MGAT5: variants seen among roughly 807,000 people sequenced by gnomAD.
MGAT5 encodes alpha-1,6-mannosylglycoprotein 6-beta-N-acetylglucosaminyltransferase A.
Under a neutral mutation model 94.3 loss-of-function variants are expected in MGAT5, and 30 were observed. The observed-to-expected ratio is 0.32, with a 90% CI of 0.24 to 0.43. MGAT5 has a LOEUF of 0.43. Among genes scored for constraint, MGAT5 ranks in the 20% least tolerant of loss-of-function variants. The probability of loss-of-function intolerance (pLI) is 1.00; values close to 1 mark genes in which losing one functional copy is unlikely to be tolerated. For missense variants in MGAT5, 691 were observed against 905.5 expected (o/e 0.76, Z 3.04); for synonymous variants, 310 against 322.9 (o/e 0.96, Z 0.43).
At chr2:134,255,506 CACATATATAT>C (rs1004562084) in intron 1 of MGAT5, among the ~76,000 whole-genome samples, 2 of 149,618 alleles carry the variant, frequency 1.3e-5, no homozygotes, top group Non-Finnish European at 3.0e-5. Flanking sequence ...CACATATATA[CACATATATAT>C]ATACACACAC....
At chr2:134,337,355 G>A (rs1382665002) in intron 5 of MGAT5, among the ~76,000 whole-genome samples, 1 of 152,130 alleles carries the variant, frequency 6.6e-6, no homozygotes, top group African/African-American at 2.4e-5. Flanking sequence ...AGTGCCTATA[G>A]TTTCAGCTAC....
At chr2:134,120,438 C>G (rs936534150) in intron 1 of MGAT5, 1 of 325,684 alleles carries the variant, frequency 3.1e-6, no homozygotes, top group Non-Finnish European at 5.6e-6. Context: ...CGGGGGCTTC[C>G]TTCCGTCGCT....
At chr2:134,277,506 T>C (rs773955284) in intron 2 of MGAT5, among the ~76,000 whole-genome samples, 1 of 152,116 alleles carries the variant, frequency 6.6e-6, no homozygotes, top group Non-Finnish European at 1.5e-5. Flanking sequence ...CTCACTACCA[T>C]GAGAACAGCA....
chr2:134,347,603 C>A (rs1688998456), intron 8 of MGAT5, among the ~76,000 whole-genome samples: 1 of 152,046 alleles, frequency 6.6e-6, no homozygotes, highest in Non-Finnish European at 1.5e-5. Context: ...AAAAAGATAA[C>A]AATACAATAA....
intron 1 of MGAT5, among the ~76,000 whole-genome samples, chr2:134,186,283 G>A (rs1314463570): frequency 6.6e-6 from 1 of 152,196 alleles, no homozygotes. Context: ...CCTAGTGATG[G>A]GGGAGATTTT....
chr2:134,405,296 G>A (rs1235249733), intron 11 of MGAT5, among the ~76,000 whole-genome samples: 2 of 152,226 alleles, frequency 1.3e-5, no homozygotes, highest in South Asian at 4.1e-4. Context: ...GAAAAACTGG[G>A]ACCCGTGTAG....
At chr2:134,274,629 A>G (rs1294443903) in intron 2 of MGAT5, among the ~76,000 whole-genome samples, 1 of 152,244 alleles carries the variant, frequency 6.6e-6, no homozygotes, top group South Asian at 2.1e-4. Context: ...TTGTCATTCA[A>G]GGTCAGCTGA....
At chr2:134,422,288 A>T (rs1684347471) in intron 12 of MGAT5, among the ~76,000 whole-genome samples, 1 of 152,222 alleles carries the variant, frequency 6.6e-6, no homozygotes, top group South Asian at 2.1e-4. Context: ...GTTTTTCTGA[A>T]TATTATGCTA....
intron 2 of MGAT5, among the ~76,000 whole-genome samples, chr2:134,272,342 A>G (rs149761980): frequency 6.6e-6 from 1 of 150,806 alleles, no homozygotes; most frequent in Non-Finnish European, 1.5e-5. Context: ...TTTTAATAAT[A>G]TTTAAAGAAC....
intron 15 of MGAT5, 60 bp downstream of exon 15, chr2:134,441,975 G>A: frequency 6.3e-7 from 1 of 1,575,834 alleles, no homozygotes; most frequent in South Asian, 1.2e-5. Flanking sequence ...GCCTTGTTGG[G>A]TAGTCAGGTG....
chr2:134,286,157 C>G (rs989875201), intron 2 of MGAT5, among the ~76,000 whole-genome samples: 1 of 152,264 alleles, frequency 6.6e-6, no homozygotes, highest in South Asian at 2.1e-4. Context: ...ATCAGAGAAC[C>G]CTTCTTACTG....
intron 9 of MGAT5, among the ~76,000 whole-genome samples, chr2:134,360,823 C>T (rs996252240): frequency 6.6e-6 from 1 of 152,228 alleles, no homozygotes; most frequent in Admixed American, 6.5e-5. Context: ...CCTCTGGGCA[C>T]TGGTTCAAAA....
chr2:134,137,773 T>C (rs1418748639), intron 1 of MGAT5, among the ~76,000 whole-genome samples: 2 of 152,180 alleles, frequency 1.3e-5, no homozygotes, highest in Non-Finnish European at 2.9e-5. Flanking sequence ...TTCTATGTTA[T>C]TGGTCAGTTT....
intron 10 of MGAT5, among the ~76,000 whole-genome samples, chr2:134,401,369 C>T (rs1190187403): frequency 6.6e-6 from 1 of 152,170 alleles, no homozygotes. Flanking sequence ...TCTGAGTTCC[C>T]AAGAGAGCAT....
At chr2:134,396,313 A>C (rs1234734791) in intron 10 of MGAT5, among the ~76,000 whole-genome samples, 1 of 152,214 alleles carries the variant, frequency 6.6e-6, no homozygotes, top group East Asian at 1.9e-4. Context: ...TACACTGCTG[A>C]AATTCACAGA....
intron 14 of MGAT5, among the ~76,000 whole-genome samples, chr2:134,434,797 A>G (rs1685079823): frequency 6.6e-6 from 1 of 151,920 alleles, no homozygotes; most frequent in African/African-American, 2.4e-5. Flanking sequence ...TGCGCATCCT[A>G]TTTGGGCATT....
chr2:134,337,582 T>C (rs953607939), intron 5 of MGAT5, among the ~76,000 whole-genome samples: 1 of 152,156 alleles, frequency 6.6e-6, no homozygotes, highest in South Asian at 2.1e-4. Context: ...TAAATACTGG[T>C]TATTATGTTT....
At chr2:134,151,797 T>G (rs1300419255) in intron 1 of MGAT5, among the ~76,000 whole-genome samples, 1 of 113,616 alleles carries the variant, frequency 8.8e-6, no homozygotes, top group African/African-American at 3.4e-5. Context: ...CACTCACTCA[T>G]GCCCTATGGG....
chr2:134,254,461 A>G lies in MGAT5; in HGVS notation c.58A>G (p.Thr20Ala). The change falls in exon 1 of 16, where the codon ACT becomes GCT. Residue 20 changes from threonine to alanine, a missense_variant. Physicochemically the swap from Thr to Ala is moderately conservative, Grantham distance 58. Transcript: ENST00000281923. ...TCAGAAGCTGGGCTTTTTCCTGGTGACTTTTGGCTTCATTTGGGGTATGAT... is the reference window on the plus strand; with the variant it reads ...TCAGAAGCTGGGCTTTTTCCTGGTGGCTTTTGGCTTCATTTGGGGTATGAT... ...SSQKLGFFLV[T>A]FGFIWGMMLL... 6.2e-7 allele frequency: 1 copy of G among 1,614,178 alleles called. No individual in the cohort carries two copies. The highest frequency in any genetic ancestry group is 2.2e-5 in the East Asian group (1 of 44,884).
Sources: allele counts gnomAD v4.1 joint callset (sites outside exome capture counted in the v4.1 genomes callset), GRCh38; gene constraint gnomAD v4.1.1; transcripts MANE v1.5; gene names NCBI Gene and HGNC (gene_info 2026-07-23, HGNC 2026-07-21).